C3orf38: variants seen among roughly 807,000 people sequenced by gnomAD.
C3orf38 encodes uncharacterized protein C3orf38.
C3orf38 carries 18 observed loss-of-function variants against 28.3 expected under a neutral mutation model. The observed-to-expected ratio is 0.64, with a 90% CI of 0.44 to 0.94. The LOEUF is 0.94. Ranked by LOEUF, C3orf38 falls within the 40% of genes least tolerant of loss-of-function variation. C3orf38 has a pLI of 0.00. For synonymous variants in C3orf38, 145 were observed against 138.1 expected (o/e 1.05, Z -0.35); for missense variants, 364 against 396.4 (o/e 0.92, Z 0.69).
chr3:88,151,311 AAT>A (rs375580821), intron 1 of C3orf38, among the ~76,000 whole-genome samples: 22 of 149,866 alleles, frequency 1.5e-4, no homozygotes, highest in Admixed American at 2.0e-4. Context: ...GATTGGAAAA[AAT>A]ATATATATAT....
chr3:88,154,792 G>A (rs1205233187), intron 2 of C3orf38, among the ~76,000 whole-genome samples: 1 of 151,902 alleles, frequency 6.6e-6, no homozygotes, highest in African/African-American at 2.4e-5. Flanking sequence ...ATACATCTCA[G>A]TAAAGTACTG....
rs115009177 is a variant in C3orf38 at position 88,150,638 on chromosome 3, A to G, written c.133+453A>G. The stretch of plus-strand genomic sequence containing the variant: ...ACCTTGAATCCATGTCTCCTTTTGG[A>G]GGCAAAATTTTTCTGAGATGATTTT... On this transcript the variant is annotated intron_variant, in intron 1 of 2. Transcript: ENST00000318887. 8.1e-3 allele frequency: 1,261 copies of G among 156,192 alleles called. 9 individuals are homozygous for G. The highest frequency in any genetic ancestry group is 0.029 in the African/African-American group (1,220 of 41,558). The allele number at this position is 156,192 out of a possible 1,614,324, so 9.7% of individuals were successfully genotyped here.
Position 88,156,181 on chromosome 3 carries a change from G to C in C3orf38, c.536G>C (p.Arg179Thr). Residue 179 changes from arginine (R) to threonine (T), a missense_variant, in exon 3 of 3, where the codon AGG becomes ACG. Transcript: ENST00000318887. ...PQHFWHDVKL[R>T]FYYNTSEQNV... ...CACTTCTGGCATGATGTGAAGCTTA[G>C]GTTTTATTACAACACATCAGAACAA... is the stretch of plus-strand genomic sequence containing the variant. 1.2e-6 allele frequency: 2 copies of C among 1,613,838 alleles called. No homozygotes were observed. Among genetic ancestry groups the C allele is most frequent in the South Asian group, 1.1e-5 (1 of 91,072 alleles).
Position 88,156,838 on chromosome 3 carries a change from T to A in C3orf38, c.*203T>A. On this transcript the variant is annotated 3_prime_UTR_variant, in exon 3 of 3. Transcript: ENST00000318887. ...TTCTGGACTACAGACTTACATATCA[T>A]GTGAATACTTACCTATTTCTACCCG... 1 of 530,894 alleles carries A rather than the reference T, an allele frequency of 1.9e-6. No individual in the cohort carries two copies. Among genetic ancestry groups the A allele is most frequent in the Non-Finnish European group, 3.2e-6 (1 of 310,520 alleles). 32.9% of individuals were successfully genotyped at this position (530,894 alleles called of 1,614,324 possible).
At position 88,156,046 on chromosome 3, in the gene C3orf38, A is replaced by G. The variant is rs763150653; in HGVS notation, c.401A>G (p.Glu134Gly). The change falls in exon 3 of 3, where the codon GAA becomes GGA. Residue 134 changes from glutamate (E) to glycine (G), a missense_variant. Coordinates refer to ENST00000318887, the MANE Select transcript of C3orf38 (RefSeq NM_173824.4). The stretch of plus-strand genomic sequence containing the variant: ...CAGGTGAAAGAAGATAAAAAAGCTG[A>G]AAAAGTTGATTTTCGTCGCCTAGGA... ...QQQVKEDKKA[E>G]KVDFRRLGEE... 3.9e-6 allele frequency: 6 copies of G among 1,546,168 alleles called. No individual in the cohort carries two copies. The African/African-American group carries it at 8.3e-5, about 21-fold the overall frequency.
chr3:88,153,488 G>T lies in C3orf38; in HGVS notation c.375+17G>T, dbSNP rs768413871. 30 of 1,612,654 alleles carry T rather than the reference G, an allele frequency of 1.9e-5. No individual in the cohort carries two copies. In the South Asian group the frequency reaches 3.3e-4, roughly 18 times the overall value. On this transcript the variant is annotated intron_variant, in intron 2 of 2. Coordinates refer to ENST00000318887, the MANE Select transcript of C3orf38 (RefSeq NM_173824.4). ...TTTCAACAGGTAAAATAAATCTTAT[G>T]GTTGTATTCTGAACCTTTGTTCTGT...
intron 1 of C3orf38, among the ~76,000 whole-genome samples, chr3:88,152,990 T>G (rs1263172947): frequency 6.6e-6 from 1 of 152,186 alleles, no homozygotes; most frequent in Non-Finnish European, 1.5e-5. Context: ...AATGCTAAAC[T>G]TTCACTATCA....
chr3:88,151,497 A>C (rs1370964210), intron 1 of C3orf38, among the ~76,000 whole-genome samples: 1 of 152,158 alleles, frequency 6.6e-6, no homozygotes, highest in Non-Finnish European at 1.5e-5. Context: ...ATGCTTTTGA[A>C]TCTCTCAGGG....
At position 88,156,158 on chromosome 3, in the gene C3orf38, C is replaced by T. The variant is rs531528997; in HGVS notation, c.513C>T (p.His171=). 2 of 1,613,964 alleles carry T rather than the reference C, an allele frequency of 1.2e-6. No individual in the cohort carries two copies. The highest frequency in any genetic ancestry group is 2.7e-5 in the African/African-American group (2 of 75,034). ...CTCAAGATGAATGGGGACCACAGCA[C>T]TTCTGGCATGATGTGAAGCTTAGGT... The part of the protein sequence containing the change: ...GPPQDEWGPQ[H]FWHDVKLRFY... The change falls in exon 3 of 3, where the codon CAC becomes CAT. Residue 171 remains histidine (H), a synonymous_variant. Coordinates refer to ENST00000318887, the MANE Select transcript of C3orf38 (RefSeq NM_173824.4).
Position 88,156,743 on chromosome 3 carries a change from C to T in C3orf38, c.*108C>T, listed in dbSNP as rs543854564. 1.6e-5 allele frequency: 18 copies of T among 1,111,018 alleles called. No homozygotes were observed. In the South Asian group the frequency reaches 2.5e-4, roughly 16 times the overall value. The allele number at this position is 1,111,018 out of a possible 1,614,324, so 68.8% of individuals were successfully genotyped here. A position where few individuals can be genotyped will look rare whatever the true frequency, so the allele number is the denominator to read the frequency against. On this transcript the variant is annotated 3_prime_UTR_variant, in exon 3 of 3. Transcript: ENST00000318887. Reference sequence around the variant, plus strand: ...AAAAATCTTCTATACAGAAACTCTTCCAAATACTATATCAGTAATGTCTGA... The same window carrying T: ...AAAAATCTTCTATACAGAAACTCTTTCAAATACTATATCAGTAATGTCTGA...
At chr3:88,152,528 C>T (rs1211056143) in intron 1 of C3orf38, among the ~76,000 whole-genome samples, 4 of 151,632 alleles carry the variant, frequency 2.6e-5, no homozygotes, top group Non-Finnish European at 4.4e-5. Context: ...TTTGGGAGGC[C>T]GAGGCGGGCG....
At position 88,157,473 on chromosome 3, in the gene C3orf38, G is replaced by A. The variant is rs1262421866; in HGVS notation, c.*838G>A. 6.6e-6 allele frequency: 1 copy of A among 152,146 alleles called. No individual in the cohort carries two copies. The highest frequency in any genetic ancestry group is 2.4e-5 in the African/African-American group (1 of 41,502). 9.4% of individuals were successfully genotyped at this position (152,146 alleles called of 1,614,324 possible). A position where few individuals can be genotyped will look rare whatever the true frequency, so the allele number is the denominator to read the frequency against. On this transcript the variant is annotated 3_prime_UTR_variant, in exon 3 of 3. Coordinates refer to ENST00000318887, the MANE Select transcript of C3orf38 (RefSeq NM_173824.4). Reference sequence around the variant, plus strand: ...TATGCCCAGTTCCTAACTTTTAAACGAATTACCGTTCTTCCTCTTGGCTGA... The same window carrying A: ...TATGCCCAGTTCCTAACTTTTAAACAAATTACCGTTCTTCCTCTTGGCTGA...
intron 2 of C3orf38, among the ~76,000 whole-genome samples, chr3:88,153,846 A>G (rs770949965): frequency 7.9e-5 from 12 of 152,176 alleles, no homozygotes; most frequent in Admixed American, 3.3e-4. Flanking sequence ...TACAGGCATG[A>G]GCCACCATGC....
At chr3:88,154,705 TAA>T (rs1472103747) in intron 2 of C3orf38, among the ~76,000 whole-genome samples, 3 of 152,216 alleles carry the variant, frequency 2.0e-5, no homozygotes, top group Admixed American at 6.5e-5. Context: ...CTAGGTGTGT[TAA>T]ATTAGGCAAA....
At position 88,149,959 on chromosome 3, in the gene C3orf38, A is replaced by C; in HGVS notation, c.-94A>C. 1.3e-6 allele frequency: 2 copies of C among 1,527,492 alleles called. No individual in the cohort carries two copies. The highest frequency in any genetic ancestry group is 9.0e-7 in the Non-Finnish European group (1 of 1,110,682). The allele number at this position is 1,527,492 out of a possible 1,614,324, so 94.6% of individuals were successfully genotyped here. On this transcript the variant is annotated 5_prime_UTR_variant, in exon 1 of 3. Transcript: ENST00000318887. Reference sequence around the variant, plus strand: ...TGGAGGCCCTTCGACGGAGAACAACAAGAAAGGCACTTCCGGTGTCTGTTG... The same window carrying C: ...TGGAGGCCCTTCGACGGAGAACAACCAGAAAGGCACTTCCGGTGTCTGTTG...
rs780616599 is a variant in C3orf38, at chr3:88,156,229, C to G, written c.584C>G (p.Ala195Gly). ...SEQNVMDYHG[A>G]EIVSLRLLSL... ...CAAAATGTTATGGACTACCATGGAG[C>G]AGAAATCGTGAGCCTTCGTTTGCTG... Residue 195 changes from alanine (A) to glycine (G), a missense_variant, in exon 3 of 3, where the codon GCA becomes GGA. By Grantham distance (60) the Ala-to-Gly change is moderately conservative (BLOSUM62 0). Coordinates refer to ENST00000318887, the MANE Select transcript of C3orf38 (RefSeq NM_173824.4). The G allele has an allele frequency of 6.2e-6, 10 of 1,614,036 alleles. No individual in the cohort carries two copies. Among genetic ancestry groups the G allele is most frequent in the Non-Finnish European group, 8.5e-6 (10 of 1,179,986 alleles).
rs2107936110 is a variant in C3orf38 at position 88,157,746 on chromosome 3, C to A, written c.*1111C>A. 6.6e-6 allele frequency: 1 copy of A among 152,110 alleles called. No homozygotes were observed. Among genetic ancestry groups the A allele is most frequent in the South Asian group, 2.1e-4 (1 of 4,826 alleles). The allele number at this position is 152,110 out of a possible 1,614,324, so 9.4% of individuals were successfully genotyped here. A position where few individuals can be genotyped will look rare whatever the true frequency, so the allele number is the denominator to read the frequency against. On this transcript the variant is annotated 3_prime_UTR_variant, in exon 3 of 3. Coordinates refer to ENST00000318887, the MANE Select transcript of C3orf38 (RefSeq NM_173824.4). ...TAGTTACTTTAATTTATAAAATTAC[C>A]ATTTGGAAAAGAACTCAATTGGGAA...
At chr3:88,153,961 T>A (rs915329042) in intron 2 of C3orf38, among the ~76,000 whole-genome samples, 4 of 152,232 alleles carry the variant, frequency 2.6e-5, no homozygotes, top group Non-Finnish European at 4.4e-5. Flanking sequence ...AAAATATTTC[T>A]GACATATAGT....
intron 2 of C3orf38, 114 bp downstream of exon 2, chr3:88,153,585 AT>A: frequency 1.6e-6 from 2 of 1,264,066 alleles, no homozygotes; most frequent in Non-Finnish European, 1.1e-6. Context: ...TTTTATTTTT[AT>A]TTTTTAAGAG....
Sources: allele counts gnomAD v4.1 joint callset (sites outside exome capture counted in the v4.1 genomes callset), GRCh38; gene constraint gnomAD v4.1.1; transcripts MANE v1.5; gene names NCBI Gene and HGNC (gene_info 2026-07-23, HGNC 2026-07-21).